COL5A3: variants seen among roughly 807,000 people sequenced by gnomAD.
COL5A3 encodes the protein collagen alpha-3(V) chain.
Under a neutral mutation model 250.0 loss-of-function variants are expected in COL5A3, and 172 were observed. The observed-to-expected ratio is 0.69, with a 90% CI of 0.61 to 0.78. COL5A3 has a LOEUF of 0.78. Ranked by LOEUF, COL5A3 falls within the 30% of genes least tolerant of loss-of-function variation. The probability of loss-of-function intolerance (pLI) is 0.00; values close to 1 mark genes in which losing one functional copy is unlikely to be tolerated. For synonymous variants in COL5A3, 937 were observed against 900.4 expected, an observed-to-expected ratio of 1.04 and a Z score of -0.73; for missense variants, 2,340 against 2,334.4, an observed-to-expected ratio of 1.00 and a Z score of -0.05.
chr19:9,993,323 C>T (rs532492159), intron 19 of COL5A3, 57 bp downstream of exon 19: 1 of 1,576,278 alleles, frequency 6.3e-7, no homozygotes, highest in Non-Finnish European at 8.7e-7. Context: ...CTCTGATTCT[C>T]ACTCAGGCTT....
chr19:9,983,152 A>G (rs2087032926), intron 31 of COL5A3, among the ~76,000 whole-genome samples: 1 of 151,900 alleles, frequency 6.6e-6, no homozygotes, highest in Non-Finnish European at 1.5e-5. Flanking sequence ...TGAGCCACCA[A>G]CCTGGCCCCA....
Position 9,997,979 on chromosome 19 carries a change from C to T in COL5A3, c.1200+5G>A. On this transcript the variant is annotated splice_donor_5th_base_variant and intron_variant, in intron 10 of 66. Coordinates refer to ENST00000264828, the MANE Select transcript of COL5A3 (RefSeq NM_015719.4). ...CTGGAAGAAGGAAACACAGCCATGACTTACTTGGGGTCCTGGGGCTCCTGG... is the reference window on the plus strand; with the variant it reads ...CTGGAAGAAGGAAACACAGCCATGATTTACTTGGGGTCCTGGGGCTCCTGG... The T allele has an allele frequency of 6.2e-7, 1 of 1,614,074 alleles. No individual in the cohort carries two copies. The highest frequency in any genetic ancestry group is 8.5e-7 in the Non-Finnish European group (1 of 1,179,994).
chr19:9,966,407 G>A lies in COL5A3; in HGVS notation c.4689C>T (p.Pro1563=), dbSNP rs368569500. Residue 1563 remains proline (P), a synonymous_variant, in exon 64 of 67, where the codon CCC becomes CCT. Transcript: ENST00000264828. ...HLPDGEYWID[P]NQGCARDSFR... ...ACGAGTCCCGCGCGCAGCCCTGGTT[G>A]GGGTCAATCCAGTATTCCCCTGCCG... The A allele has an allele frequency of 6.2e-7, 1 of 1,606,480 alleles. No individual in the cohort carries two copies. The highest frequency in any genetic ancestry group is 8.5e-7 in the Non-Finnish European group (1 of 1,175,330).
chr19:9,993,550 G>A lies in COL5A3; in HGVS notation c.1695+69C>T. The A allele has an allele frequency of 4.4e-6, 7 of 1,585,968 alleles. No homozygotes were observed. The South Asian group carries it at 7.7e-5, about 18-fold the overall frequency. ...CAGGGATCATGACTCTGATACTGAG[G>A]GAGAAGTTGGGGGGGCTTGAATATT... On this transcript the variant is annotated intron_variant, in intron 18 of 66. Coordinates refer to ENST00000264828, the MANE Select transcript of COL5A3 (RefSeq NM_015719.4).
intron 1 of COL5A3, among the ~76,000 whole-genome samples, chr19:10,007,292 C>A (rs2087457397): frequency 6.6e-6 from 1 of 152,200 alleles, no homozygotes; most frequent in East Asian, 1.9e-4. Flanking sequence ...ATCCTGATCT[C>A]CTCCATCTGA....
At position 9,969,402 on chromosome 19, in the gene COL5A3, C is replaced by A; in HGVS notation, c.4099G>T (p.Gly1367Cys). 1 of 1,607,570 alleles carries A rather than the reference C, an allele frequency of 6.2e-7. No homozygotes were observed. The part of the protein sequence containing the change: ...EGLRGIPGPV[G>C]EPGLLGAPGQ... ...GGGGCTCCCAGGAGGCCTGGTTCACCCTGAGAATGGAACAGAACATGGGGT... is the reference window on the plus strand; with the variant it reads ...GGGGCTCCCAGGAGGCCTGGTTCACACTGAGAATGGAACAGAACATGGGGT... Residue 1367 changes from glycine to cysteine, a missense_variant and splice_region_variant, in exon 57 of 67, where the codon GGT becomes TGT. By Grantham distance (159) the Gly-to-Cys change is radical. Coordinates refer to ENST00000264828, the MANE Select transcript of COL5A3 (RefSeq NM_015719.4).
At position 9,979,423 on chromosome 19, in the gene COL5A3, G is replaced by C; in HGVS notation, c.2713-6C>G. 1.9e-6 allele frequency: 3 copies of C among 1,614,140 alleles called. No homozygotes were observed. Among genetic ancestry groups the C allele is most frequent in the Non-Finnish European group, 2.5e-6 (3 of 1,180,006 alleles). On this transcript the variant is annotated splice_polypyrimidine_tract_variant and splice_region_variant and intron_variant, in intron 37 of 66. Transcript: ENST00000264828. Reference sequence around the variant, plus strand: ...CCTGTCTGACCTTGGAAGCCCTAGAGAGAAAAATTAAATGTGGGGGCGGTG... The same window carrying C: ...CCTGTCTGACCTTGGAAGCCCTAGACAGAAAAATTAAATGTGGGGGCGGTG...
intron 8 of COL5A3, 102 bp from the exon 9 acceptor site, chr19:9,998,251 C>CAT (rs776009444): frequency 1.3e-5 from 15 of 1,157,134 alleles, no homozygotes; most frequent in Admixed American, 2.2e-5. Context: ...CACACACACA[C>CAT]ACACACGGAG....
At chr19:9,992,710 G>C in intron 21 of COL5A3, 117 bp downstream of exon 21, 1 of 984,444 alleles carries the variant, frequency 1.0e-6, no homozygotes, top group Non-Finnish European at 1.5e-6. Context: ...CCAGGAGCCG[G>C]AGGTTGCAGA....
rs529715383 is a variant in COL5A3, at chr19:9,969,850, C to G, written c.3990+19G>C. On this transcript the variant is annotated intron_variant, in intron 55 of 66. Coordinates refer to ENST00000264828, the MANE Select transcript of COL5A3 (RefSeq NM_015719.4). ...CCTAGAGTAGTGCAGGGACCCTTCC[C>G]CTTGCCAGGGGGACTCACCTTGGCA... The G allele has an allele frequency of 1.2e-5, 19 of 1,613,792 alleles. No individual in the cohort carries two copies. The highest frequency in any genetic ancestry group is 1.6e-5 in the Non-Finnish European group (19 of 1,179,844).
Position 9,980,838 on chromosome 19 carries a change from G to T in COL5A3, c.2527C>A (p.Gln843Lys). Residue 843 changes from glutamine (Q) to lysine (K), a missense_variant, in exon 34 of 67, where the codon CAA becomes AAA. Physicochemically the swap from Gln to Lys is moderately conservative, Grantham distance 53 (BLOSUM62 1). Around this residue, in one of 3 missense-constraint regions of COL5A3, gnomAD observed 1,152 missense variants for 1,146.3 expected, o/e 1.00. Transcript: ENST00000264828. ...GPPGSRGERGQPGATGQPGPK... is the reference protein window; with the variant it reads ...GPPGSRGERGKPGATGQPGPK... Reference sequence around the variant, plus strand: ...CCTGGTTGCCCTGTGGCACCCGGTTGCCCCCTCTCTCCACGGGAACCCTGA... The same window carrying T: ...CCTGGTTGCCCTGTGGCACCCGGTTTCCCCCTCTCTCCACGGGAACCCTGA... 1 of 1,611,178 alleles carries T rather than the reference G, an allele frequency of 6.2e-7. No individual in the cohort carries two copies. Among genetic ancestry groups the T allele is most frequent in the Non-Finnish European group, 8.5e-7 (1 of 1,178,810 alleles).
At chr19:10,003,324 A>T (rs1040230136) in intron 6 of COL5A3, among the ~76,000 whole-genome samples, 1 of 152,134 alleles carries the variant, frequency 6.6e-6, no homozygotes, top group African/African-American at 2.4e-5. Context: ...GGGGTCAGAG[A>T]TGGGAGAGAT....
rs767025962 is a variant in COL5A3, at chr19:9,986,718, T to A, written c.2186A>T (p.Glu729Val). ...ATGAGTTCCTTCTCTCCTCACCTTCTCGCCTTTCTCCCCCTGGAGGCCCCG... is the reference window on the plus strand; with the variant it reads ...ATGAGTTCCTTCTCTCCTCACCTTCACGCCTTTCTCCCCCTGGAGGCCCCG... ...GNRGLQGEKG[E>V]KGEDGFPGFK... The change falls in exon 28 of 67, where the codon GAG (glutamate) becomes GTG (valine). Residue 729 changes from glutamate (E) to valine (V), a missense_variant. Physicochemically the swap from Glu to Val is moderately radical, Grantham distance 121. Coordinates refer to ENST00000264828, the MANE Select transcript of COL5A3 (RefSeq NM_015719.4). 6.8e-6 allele frequency: 11 copies of A among 1,613,334 alleles called. No individual in the cohort carries two copies. Among genetic ancestry groups the A allele is most frequent in the Non-Finnish European group, 9.3e-6 (11 of 1,179,912 alleles).
In COL5A3 at chr19:9,959,902, C is replaced by T. The variant is rs1008546831; in HGVS notation, c.*509G>A. The T allele has an allele frequency of 6.4e-6, 1 of 156,348 alleles. No individual in the cohort carries two copies. Among genetic ancestry groups the T allele is most frequent in the Non-Finnish European group, 1.4e-5 (1 of 70,190 alleles). The allele number at this position is 156,348 out of a possible 1,614,324, so 9.7% of individuals were successfully genotyped here. ...AACCCAGTCAAGGGAAGTCCCTCTT[C>T]CCTCTGTAGTCCGACCTCAGTCCTT... is the stretch of plus-strand genomic sequence containing the variant. On this transcript the variant is annotated 3_prime_UTR_variant, in exon 67 of 67. Coordinates refer to ENST00000264828, the MANE Select transcript of COL5A3 (RefSeq NM_015719.4).
Position 10,006,163 on chromosome 19 carries a change from A to G in COL5A3, c.157T>C (p.Phe53Leu), listed in dbSNP as rs749249919. 1.2e-6 allele frequency: 2 copies of G among 1,611,124 alleles called. No individual in the cohort carries two copies. The highest frequency in any genetic ancestry group is 2.2e-5 in the East Asian group (1 of 44,834). The change falls in exon 2 of 67, where the codon TTC (phenylalanine) becomes CTC (leucine). Residue 53 changes from phenylalanine to leucine, a missense_variant. Phe to Leu is a conservative substitution (Grantham distance 22). This residue lies in a region of COL5A3 where 1,152 missense variants were observed against 1,146.3 expected (regional missense o/e 1.00). Coordinates refer to ENST00000264828, the MANE Select transcript of COL5A3 (RefSeq NM_015719.4). The part of the protein sequence containing the change: ...GQAGVPEGPG[F>L]CPQRTPEGDR... The stretch of plus-strand genomic sequence containing the variant: ...CCCTCTGGAGTCCTCTGGGGACAGA[A>G]GCCAGGCCCCTCGGGGACCCCAGCC...
At position 9,977,693 on chromosome 19, in the gene COL5A3, A is replaced by G; in HGVS notation, c.3027T>C (p.Pro1009=). The G allele has an allele frequency of 6.3e-7, 1 of 1,588,332 alleles. No individual in the cohort carries two copies. The highest frequency in any genetic ancestry group is 1.8e-5 in the Admixed American group (1 of 54,490). The part of the protein sequence containing the change: ...PPGPVGANGS[P]GERGPLGPAG... ...CTGGGCCCAAAGGACCGCGCTCACCAGGGGAGCCCTGAGAACAGGGGTGAT... is the reference window on the plus strand; with the variant it reads ...CTGGGCCCAAAGGACCGCGCTCACCGGGGGAGCCCTGAGAACAGGGGTGAT... Residue 1009 remains proline (P), a synonymous_variant, in exon 42 of 67, where the codon CCT becomes CCC. Transcript: ENST00000264828.
chr19:9,983,688 A>G (rs375222581), intron 31 of COL5A3, among the ~76,000 whole-genome samples: 2 of 147,176 alleles, frequency 1.4e-5, no homozygotes. Context: ...GAAGAAAGAA[A>G]GAAGGAAAGA....
Position 9,968,185 on chromosome 19 carries a change from A to G in COL5A3, c.4315-106T>C. The G allele has an allele frequency of 2.5e-6, 3 of 1,196,428 alleles. No homozygotes were observed. The South Asian group carries it at 4.2e-5, about 17-fold the overall frequency. The allele number at this position is 1,196,428 out of a possible 1,614,324, so 74.1% of individuals were successfully genotyped here. A position where few individuals can be genotyped will look rare whatever the true frequency, so the allele number is the denominator to read the frequency against. Reference sequence around the variant, plus strand: ...ACCAAAGGAAGACCCCGAACCCTAGACAAGCCTCCAGTTCCCCCACAGAGA... The same window carrying G: ...ACCAAAGGAAGACCCCGAACCCTAGGCAAGCCTCCAGTTCCCCCACAGAGA... On this transcript the variant is annotated intron_variant, in intron 59 of 66. Transcript: ENST00000264828. This position sits in a 1 kb window ranked among gnomAD's most constrained non-coding sequence, Gnocchi z 4.1.
At chr19:9,996,972 GAGAT>G in intron 11 of COL5A3, 1 of 534,160 alleles carries the variant, frequency 1.9e-6, no homozygotes, top group Non-Finnish European at 3.3e-6. Context: ...GAGACAGAGA[GAGAT>G]AGACAGAGAC....
Sources: allele counts gnomAD v4.1 joint callset (sites outside exome capture counted in the v4.1 genomes callset), GRCh38; gene constraint gnomAD v4.1.1; regional missense constraint gnomAD v4.1.1; non-coding constraint Gnocchi (gnomAD v3.1); transcripts MANE v1.5; gene names NCBI Gene and HGNC (gene_info 2026-07-23, HGNC 2026-07-21).